The following PTPN12 variants were observed in gnomAD, a reference collection of about 807,000 sequenced individuals.
PTPN12 encodes the protein tyrosine-protein phosphatase non-receptor type 12.
PTPN12 carries 29 observed loss-of-function variants against 97.6 expected under a neutral mutation model. The observed-to-expected ratio is 0.30, with a 90% CI of 0.22 to 0.41. PTPN12 has a LOEUF of 0.41. PTPN12 is among the 10% of genes least tolerant of loss of function. The pLI, the probability that PTPN12 is intolerant of heterozygous loss-of-function variation, is 1.00. For synonymous variants in PTPN12, 327 were observed against 300.4 expected (o/e 1.09, Z -0.91); for missense variants, 819 against 926.0 (o/e 0.88, Z 1.50).
At chr7:77,628,241 C>T (rs1300879457) in intron 13 of PTPN12, among the ~76,000 whole-genome samples, 1 of 152,108 alleles carries the variant, frequency 6.6e-6, no homozygotes, top group Admixed American at 6.6e-5. Context: ...AGTGAGTGGG[C>T]TATATGCATA....
intron 12 of PTPN12, among the ~76,000 whole-genome samples, chr7:77,624,697 C>T (rs1389406297): frequency 6.6e-6 from 1 of 151,732 alleles, no homozygotes; most frequent in Non-Finnish European, 1.5e-5. Context: ...CCTTGGCCTC[C>T]CAAAGTGCTA....
chr7:77,607,359 A>C (rs1403256840), intron 9 of PTPN12, 58 bp downstream of exon 9: 2 of 1,225,444 alleles, frequency 1.6e-6, no homozygotes, highest in Non-Finnish European at 2.4e-6. Context: ...TTTCAAACTT[A>C]ATTATAATTG....
At chr7:77,622,235 G>T (rs1425548889) in intron 12 of PTPN12, among the ~76,000 whole-genome samples, 1 of 152,148 alleles carries the variant, frequency 6.6e-6, no homozygotes, top group Non-Finnish European at 1.5e-5. Context: ...GATTGCAGGC[G>T]TGAGCCACCA....
intron 6 of PTPN12, among the ~76,000 whole-genome samples, chr7:77,596,857 A>T (rs1364434741): frequency 6.6e-6 from 1 of 152,148 alleles, no homozygotes; most frequent in Non-Finnish European, 1.5e-5. Context: ...GTTACAATTC[A>T]CAAACCTACA....
Position 77,571,068 on chromosome 7 carries a change from G to T in PTPN12, c.100-10G>T. On this transcript the variant is annotated splice_polypyrimidine_tract_variant and intron_variant, in intron 1 of 17. Transcript: ENST00000248594. ...CTCTAAACTTTAATTTTTATTTGTT[G>T]TATTTTAAGCGGTTAAGAAGATTGT... 6.7e-7 allele frequency: 1 copy of T among 1,503,036 alleles called. No homozygotes were observed. Among genetic ancestry groups the T allele is most frequent in the Non-Finnish European group, 9.0e-7 (1 of 1,116,342 alleles). 93.1% of individuals were successfully genotyped at this position (1,503,036 alleles called of 1,614,324 possible). A position where few individuals can be genotyped will look rare whatever the true frequency, so the allele number is the denominator to read the frequency against.
At chr7:77,551,501 T>G (rs1756719729) in intron 1 of PTPN12, among the ~76,000 whole-genome samples, 1 of 152,246 alleles carries the variant, frequency 6.6e-6, no homozygotes, top group Non-Finnish European at 1.5e-5. Context: ...TGGCTATTGT[T>G]TATGCTGTTA....
rs150523864 is a variant in PTPN12 at position 77,578,466 on chromosome 7, T to C, written c.209-2961T>C. Among the ~76,000 whole-genome samples, 432 of 152,298 alleles carry C rather than the reference T, an allele frequency of 2.8e-3. 2 individuals carry two copies. Among genetic ancestry groups the C allele is most frequent in the African/African-American group, 8.4e-3 (350 of 41,570 alleles). The stretch of plus-strand genomic sequence containing the variant: ...TGTTTCTTAGAATACAGTGAGGAGA[T>C]GAATAATTTTCACCAGAAGCAAGTA... On this transcript the variant is annotated intron_variant, in intron 2 of 17. Transcript: ENST00000248594.
intron 1 of PTPN12, among the ~76,000 whole-genome samples, chr7:77,558,311 G>T (rs1807822616): frequency 6.6e-6 from 1 of 152,088 alleles, no homozygotes; most frequent in African/African-American, 2.4e-5. Context: ...GGGTAAACTG[G>T]TGAAGCCTGT....
chr7:77,570,565 T>G (rs977840964), intron 1 of PTPN12, among the ~76,000 whole-genome samples: 1 of 152,228 alleles, frequency 6.6e-6, no homozygotes, highest in African/African-American at 2.4e-5. Flanking sequence ...TGTAATGCAG[T>G]GAATAAGCAG....
At position 77,627,195 on chromosome 7, in the gene PTPN12, GTT is replaced by G; in HGVS notation, c.1518_1519del (p.Val508TyrfsTer21). ...VDCSVTQSNKVSVTPPEESQN... is the reference protein window; with the variant it reads ...VDCSVTQSNKXSVTPPEESQN... ...CTGCAGTGTAACACAATCAAACAAAGTTTCAGTTACTCCACCAGAAGAATCCC... is the reference window on the plus strand; with the variant it reads ...CTGCAGTGTAACACAATCAAACAAAGTCAGTTACTCCACCAGAAGAATCCC... On this transcript the variant is annotated frameshift_variant, in exon 13 of 18. Transcript: ENST00000248594. LOFTEE classifies it high-confidence loss of function. 6.2e-7 allele frequency: 1 copy of G among 1,614,050 alleles called. No individual in the cohort carries two copies. Among genetic ancestry groups the G allele is most frequent in the Non-Finnish European group, 8.5e-7 (1 of 1,180,012 alleles).
At chr7:77,627,768 C>T in intron 13 of PTPN12, 93 bp downstream of exon 13, 1 of 1,252,266 alleles carries the variant, frequency 8.0e-7, no homozygotes, top group Non-Finnish European at 1.1e-6. Flanking sequence ...ATGTTTTATT[C>T]CACACTCTAC....
chr7:77,583,655 G>A lies in PTPN12; in HGVS notation c.381+5G>A. The stretch of plus-strand genomic sequence containing the variant: ...ATATGGGAGTATAATGTTGTGGTAA[G>A]TAATTTACTTTTCACAATAAATTTT... On this transcript the variant is annotated splice_donor_5th_base_variant and intron_variant, in intron 4 of 17. Coordinates refer to ENST00000248594, the MANE Select transcript of PTPN12 (RefSeq NM_002835.4). The A allele has an allele frequency of 6.5e-7, 1 of 1,530,426 alleles. No homozygotes were observed. The allele number at this position is 1,530,426 out of a possible 1,614,324, so 94.8% of individuals were successfully genotyped here. A position where few individuals can be genotyped will look rare whatever the true frequency, so the allele number is the denominator to read the frequency against.
At chr7:77,606,501 A>G (rs537454397) in intron 8 of PTPN12, among the ~76,000 whole-genome samples, 18 of 152,118 alleles carry the variant, frequency 1.2e-4, no homozygotes, top group African/African-American at 3.1e-4. Flanking sequence ...GGCTCAAGCA[A>G]TCCTTCTGCC....
intron 1 of PTPN12, among the ~76,000 whole-genome samples, chr7:77,545,517 C>T (rs1284474102): frequency 6.6e-6 from 1 of 151,852 alleles, no homozygotes; most frequent in African/African-American, 2.4e-5. Flanking sequence ...AGTGCTGCTC[C>T]TTTTTCAAAC....
At chr7:77,613,428 G>C (rs1788642074) in intron 11 of PTPN12, among the ~76,000 whole-genome samples, 1 of 151,940 alleles carries the variant, frequency 6.6e-6, no homozygotes. Context: ...ACCCACCTCA[G>C]CCTCCCAAAG....
chr7:77,573,065 A>G (rs1787199115), intron 2 of PTPN12, among the ~76,000 whole-genome samples: 1 of 128,370 alleles, frequency 7.8e-6, no homozygotes, highest in Non-Finnish European at 1.6e-5. Flanking sequence ...CCTGGGCGAC[A>G]GAGTAAGACT....
At chr7:77,626,038 G>A (rs930436812) in intron 12 of PTPN12, among the ~76,000 whole-genome samples, 1 of 152,198 alleles carries the variant, frequency 6.6e-6, no homozygotes, top group African/African-American at 2.4e-5. Context: ...CACTGGAGCA[G>A]GAGGCCAAAA....
In PTPN12 at chr7:77,579,224, T is replaced by A. The variant is rs1265308011; in HGVS notation, c.209-2203T>A. Among the ~76,000 whole-genome samples the A allele has an allele frequency of 3.9e-5, 6 of 152,094 alleles. No individual in the cohort carries two copies. The South Asian group carries it at 6.2e-4, about 16-fold the overall frequency. Reference sequence around the variant, plus strand: ...ACAACCTCCGCTTCCTGGGTTCAAGTGATTCTCCTGCCTCAGCCTCCCGAG... The same window carrying A: ...ACAACCTCCGCTTCCTGGGTTCAAGAGATTCTCCTGCCTCAGCCTCCCGAG... On this transcript the variant is annotated intron_variant, in intron 2 of 17. Transcript: ENST00000248594.
intron 5 of PTPN12, among the ~76,000 whole-genome samples, chr7:77,588,944 C>G (rs188673227): frequency 6.6e-6 from 1 of 152,138 alleles, no homozygotes; most frequent in Non-Finnish European, 1.5e-5. Context: ...GCGATCTCGG[C>G]TCACTGCAAC....
Sources: gnomAD v4.1 joint callset for allele counts (sites outside exome capture counted in the v4.1 genomes callset) on GRCh38, gnomAD v4.1.1 for gene constraint, MANE v1.5 for transcripts, NCBI Gene and HGNC (gene_info 2026-07-23, HGNC 2026-07-21) for gene names.